CERS3: variants seen among roughly 807,000 people sequenced by gnomAD.
CERS3 encodes ceramide synthase 3.
In CERS3, 33 loss-of-function variants were observed where a neutral mutation model predicts 50.3. The ratio of observed to expected loss-of-function variants is 0.66; its 90% confidence interval spans 0.50 to 0.88. The LOEUF (loss-of-function observed/expected upper bound fraction) is 0.88, where lower values mean the gene tolerates loss of function less well. Ranked by LOEUF, CERS3 falls within the 40% of genes least tolerant of loss-of-function variation. CERS3 has a pLI of 0.00. For synonymous variants in CERS3, 176 were observed against 155.2 expected (o/e 1.13, Z -0.99); for missense variants, 470 against 460.3 (o/e 1.02, Z -0.19).
rs1006625708 is a variant in CERS3 at position 100,401,321 on chromosome 15, C to G, written c.*1392G>C. 2 of 152,346 alleles carry G rather than the reference C, an allele frequency of 1.3e-5. No homozygotes were observed. Among genetic ancestry groups the G allele is most frequent in the African/African-American group, 4.8e-5 (2 of 41,450 alleles). The allele number at this position is 152,346 out of a possible 1,614,324, so 9.4% of individuals were successfully genotyped here. A position where few individuals can be genotyped will look rare whatever the true frequency, so the allele number is the denominator to read the frequency against. On this transcript the variant is annotated 3_prime_UTR_variant, in exon 12 of 12. Coordinates refer to ENST00000679737, the MANE Select transcript of CERS3 (RefSeq NM_001378789.1). The stretch of plus-strand genomic sequence containing the variant: ...CTGGCCTCTCCTCAGCCAGCAGCCA[C>G]CTGAGAAGTCTCCCAGGTCAGCCCT...
At position 100,400,969 on chromosome 15, in the gene CERS3, T is replaced by C. The variant is rs2030476775; in HGVS notation, c.*1744A>G. 1 of 152,196 alleles carries C rather than the reference T, an allele frequency of 6.6e-6. No individual in the cohort carries two copies. Among genetic ancestry groups the C allele is most frequent in the Admixed American group, 6.5e-5 (1 of 15,290 alleles). The allele number at this position is 152,196 out of a possible 1,614,324, so 9.4% of individuals were successfully genotyped here. A position where few individuals can be genotyped will look rare whatever the true frequency, so the allele number is the denominator to read the frequency against. On this transcript the variant is annotated 3_prime_UTR_variant, in exon 12 of 12. Transcript: ENST00000679737. Reference sequence around the variant, plus strand: ...GAAAATCTGACCTTGTTTGTAACAATTTCTCAGAAAGAGATATTGTTGTGG... The same window carrying C: ...GAAAATCTGACCTTGTTTGTAACAACTTCTCAGAAAGAGATATTGTTGTGG...
intron 4 of CERS3, among the ~76,000 whole-genome samples, chr15:100,487,123 A>C (rs1174249355): frequency 6.6e-6 from 1 of 152,222 alleles, no homozygotes; most frequent in Non-Finnish European, 1.5e-5. Context: ...AATGTGTGAA[A>C]CATGAAGCAT....
chr15:100,455,743 C>T, intron 11 of CERS3, 150 bp downstream of exon 11: 1 of 484,962 alleles, frequency 2.1e-6, no homozygotes, highest in Admixed American at 4.4e-5. Context: ...AAATCTAGCT[C>T]TATTTTTCCA....
chr15:100,520,054 C>A (rs113748126), intron 2 of CERS3, among the ~76,000 whole-genome samples: 32 of 152,294 alleles, frequency 2.1e-4, no homozygotes, highest in African/African-American at 7.5e-4. Context: ...GATCAAGGAT[C>A]CTAGAATTCC....
chr15:100,435,858 C>T (rs1198340924), intron 11 of CERS3, among the ~76,000 whole-genome samples: 1 of 152,106 alleles, frequency 6.6e-6, no homozygotes, highest in South Asian at 2.1e-4. Flanking sequence ...GTGTGGCCAA[C>T]AAACATTTGA....
At chr15:100,405,059 A>C (rs1452186344) in intron 11 of CERS3, among the ~76,000 whole-genome samples, 1 of 152,200 alleles carries the variant, frequency 6.6e-6, no homozygotes, top group Admixed American at 6.5e-5. Flanking sequence ...TAAACACGGC[A>C]CTAAAAACAT....
intron 11 of CERS3, among the ~76,000 whole-genome samples, chr15:100,428,595 G>A (rs1464326399): frequency 6.6e-6 from 1 of 152,198 alleles, no homozygotes; most frequent in East Asian, 1.9e-4. Flanking sequence ...TGTCTCCACA[G>A]ATTGTCAAAT....
intron 11 of CERS3, among the ~76,000 whole-genome samples, chr15:100,449,243 A>G (rs1218728059): frequency 6.6e-6 from 1 of 152,218 alleles, no homozygotes; most frequent in African/African-American, 2.4e-5. Flanking sequence ...TCACCTGCAC[A>G]TGCAACCTGC....
intron 2 of CERS3, among the ~76,000 whole-genome samples, chr15:100,504,460 C>T (rs1002200137): frequency 6.6e-6 from 1 of 152,060 alleles, no homozygotes; most frequent in African/African-American, 2.4e-5. Flanking sequence ...TCAGTCTGGT[C>T]TTGAACTCCC....
intron 2 of CERS3, among the ~76,000 whole-genome samples, chr15:100,510,092 C>T (rs540079124): frequency 4.1e-4 from 63 of 152,100 alleles, no homozygotes; most frequent in Middle Eastern, 3.4e-3. Context: ...CTACGCACCT[C>T]CTGTGCACAG....
chr15:100,466,831 C>CTTTAT (rs1491102543), intron 10 of CERS3, among the ~76,000 whole-genome samples: 1 of 82,842 alleles, frequency 1.2e-5, no homozygotes, highest in Non-Finnish European at 2.4e-5. Context: ...CTCCCTCTCT[C>CTTTAT]CCTCTCTCCC....
intron 11 of CERS3, among the ~76,000 whole-genome samples, chr15:100,446,719 T>C (rs1388618434): frequency 6.6e-6 from 1 of 152,176 alleles, no homozygotes; most frequent in African/African-American, 2.4e-5. Flanking sequence ...AACTCCCTTA[T>C]GTAAACCAAA....
In CERS3 at chr15:100,490,856, T is replaced by A; in HGVS notation, c.249A>T (p.Leu83Phe). ...TTGTGGAATGTTTGAAAAAATTCTC[T>A]AAGACAGTATTTGGTGTAACCTTTC... is the stretch of plus-strand genomic sequence containing the variant. ...TVRKVTPNTV[L>F]ENFFKHSTRQ... Residue 83 changes from leucine (L) to phenylalanine (F), a missense_variant, in exon 4 of 12, where the codon TTA (leucine) becomes TTT (phenylalanine). Coordinates refer to ENST00000679737, the MANE Select transcript of CERS3 (RefSeq NM_001378789.1). The A allele has an allele frequency of 6.2e-7, 1 of 1,612,688 alleles. No individual in the cohort carries two copies. Among genetic ancestry groups the A allele is most frequent in the Non-Finnish European group, 8.5e-7 (1 of 1,179,058 alleles).
At chr15:100,510,473 G>C (rs1199614291) in intron 2 of CERS3, among the ~76,000 whole-genome samples, 3 of 152,066 alleles carry the variant, frequency 2.0e-5, no homozygotes, top group Admixed American at 1.3e-4. Context: ...ACAAAAATAT[G>C]GTATCACTTC....
At chr15:100,542,589 C>T (rs980751602) in intron 1 of CERS3, among the ~76,000 whole-genome samples, 6 of 152,122 alleles carry the variant, frequency 3.9e-5, no homozygotes, top group African/African-American at 1.2e-4. Flanking sequence ...CTAATTAGTG[C>T]ATAAAATACC....
Position 100,443,771 on chromosome 15 carries a change from G to A in CERS3, c.999+12122C>T, listed in dbSNP as rs187865951. On this transcript the variant is annotated intron_variant, in intron 11 of 11. Coordinates refer to ENST00000679737, the MANE Select transcript of CERS3 (RefSeq NM_001378789.1). Reference sequence around the variant, plus strand: ...CGTGCTCTCCCTGCCGATAGTGTCCGACTGATCTCTCAAACCCCAGCACCT... The same window carrying A: ...CGTGCTCTCCCTGCCGATAGTGTCCAACTGATCTCTCAAACCCCAGCACCT... Among the ~76,000 whole-genome samples the A allele has an allele frequency of 3.2e-3, 491 of 152,086 alleles. 3 individuals carry two copies. The highest frequency in any genetic ancestry group is 0.011 in the African/African-American group (448 of 41,472).
intron 11 of CERS3, among the ~76,000 whole-genome samples, chr15:100,417,527 C>A (rs1339044129): frequency 4.6e-5 from 7 of 152,056 alleles, no homozygotes; most frequent in African/African-American, 1.7e-4. Context: ...ATTGCCCAGG[C>A]TTGCTTAGGT....
At chr15:100,491,201 G>T (rs549337500) in intron 3 of CERS3, among the ~76,000 whole-genome samples, 1 of 152,012 alleles carries the variant, frequency 6.6e-6, no homozygotes. Context: ...TTAGGAATTA[G>T]AATAAGCTGT....
At chr15:100,534,157 G>A (rs1475893013) in intron 1 of CERS3, among the ~76,000 whole-genome samples, 1 of 152,172 alleles carries the variant, frequency 6.6e-6, no homozygotes, top group African/African-American at 2.4e-5. Context: ...ACAGCCCCTG[G>A]TTACAGGTGT....
Sources: gnomAD v4.1 joint callset for allele counts (sites outside exome capture counted in the v4.1 genomes callset) on GRCh38, gnomAD v4.1.1 for gene constraint, MANE v1.5 for transcripts, NCBI Gene and HGNC (gene_info 2026-07-23, HGNC 2026-07-21) for gene names.